MDN1: variants seen among roughly 807,000 people sequenced by gnomAD.
MDN1 encodes the protein midasin.
In MDN1, 266 loss-of-function variants were observed where a neutral mutation model predicts 669.2. The ratio of observed to expected loss-of-function variants is 0.40; its 90% confidence interval spans 0.36 to 0.44. The LOEUF (loss-of-function observed/expected upper bound fraction) is 0.44, where lower values mean the gene tolerates loss of function less well. Among genes scored for constraint, MDN1 ranks in the 20% least tolerant of loss-of-function variants. MDN1 has a pLI of 1.00. For synonymous variants in MDN1, 2,385 were observed against 2,457.1 expected (o/e 0.97, Z 0.87); for missense variants, 5,940 against 6,754.0 (o/e 0.88, Z 4.22).
At chr6:89,743,088 A>G (rs1444486561) in intron 31 of MDN1, 62 bp downstream of exon 31, 6 of 1,548,666 alleles carry the variant, frequency 3.9e-6, no homozygotes, top group Non-Finnish European at 5.3e-6. Flanking sequence ...TGTCTCAGGG[A>G]GAAAAAAAAA....
rs567381684 is a variant in MDN1 at position 89,692,597 on chromosome 6, C to T, written c.10433G>A (p.Arg3478His). 131 of 1,614,114 alleles carry T rather than the reference C, an allele frequency of 8.1e-5. No individual in the cohort carries two copies. Among genetic ancestry groups the T allele is most frequent in the African/African-American group, 1.3e-4 (10 of 74,942 alleles). The stretch of plus-strand genomic sequence containing the variant: ...GCCTTCCAGCTCCTTTCCTCCTGAG[C>T]GCTTGAGGATTAGCTTCCCAAGGCC... ...LRGLGKLILK[R>H]SGGKELEGKG... is the part of the protein sequence containing the mutation. Residue 3478 changes from arginine (R) to histidine (H), a missense_variant, in exon 63 of 102, where the codon CGC becomes CAC. Coordinates refer to ENST00000369393, the MANE Select transcript of MDN1 (RefSeq NM_014611.3).
At position 89,780,705 on chromosome 6, in the gene MDN1, C is replaced by T. The variant is rs147659115; in HGVS notation, c.1644-412G>A. ...CTGTTGCCCAGGCTGGAGTGCAGTGCGTGATCTCGGCTCACTGCAACCTCC... is the reference window on the plus strand; with the variant it reads ...CTGTTGCCCAGGCTGGAGTGCAGTGTGTGATCTCGGCTCACTGCAACCTCC... On this transcript the variant is annotated intron_variant, in intron 10 of 101. Coordinates refer to ENST00000369393, the MANE Select transcript of MDN1 (RefSeq NM_014611.3). Among the ~76,000 whole-genome samples the T allele has an allele frequency of 6.0e-3, 854 of 143,276 alleles. 9 individuals are homozygous for T. The highest frequency in any genetic ancestry group is 0.021 in the African/African-American group (809 of 37,810). 94.0% of individuals were successfully genotyped at this position (143,276 alleles called of 152,430 possible).
chr6:89,792,758 T>C (rs1018679554), intron 5 of MDN1, among the ~76,000 whole-genome samples: 6 of 151,234 alleles, frequency 4.0e-5, no homozygotes. Flanking sequence ...AGAAGAAAAG[T>C]GGGTGGCCTG....
intron 1 of MDN1, among the ~76,000 whole-genome samples, chr6:89,811,448 T>A (rs532356502): frequency 3.3e-4 from 50 of 152,126 alleles, no homozygotes; most frequent in East Asian, 5.8e-4. Flanking sequence ...TTTTTATTTT[T>A]TTTTTTTAAG....
intron 2 of MDN1, among the ~76,000 whole-genome samples, chr6:89,798,280 G>A (rs776370512): frequency 6.6e-5 from 10 of 151,758 alleles, no homozygotes; most frequent in Non-Finnish European, 1.2e-4. Flanking sequence ...TTAAGAGGCC[G>A]AGACAGGTGG....
rs1372987594 is a variant in MDN1 at position 89,729,024 on chromosome 6, C to G, written c.5256G>C (p.Glu1752Asp). 6.2e-7 allele frequency: 1 copy of G among 1,614,148 alleles called. No homozygotes were observed. The highest frequency in any genetic ancestry group is 2.2e-5 in the East Asian group (1 of 44,870). Residue 1752 changes from glutamate (E) to aspartate (D), a missense_variant, in exon 36 of 102, where the codon GAG (glutamate) becomes GAC (aspartate). Transcript: ENST00000369393. ...ATKLKKPILL[E>D]GSPGVGKTSL... Reference sequence around the variant, plus strand: ...TTGTCTTGCCAACACCAGGGGAACCCTCCAGGAGAATGGGCTTCTTCAGTT... The same window carrying G: ...TTGTCTTGCCAACACCAGGGGAACCGTCCAGGAGAATGGGCTTCTTCAGTT...
chr6:89,672,624 G>A lies in MDN1; in HGVS notation c.13553C>T (p.Ala4518Val). 2 of 1,614,008 alleles carry A rather than the reference G, an allele frequency of 1.2e-6. No individual in the cohort carries two copies. The highest frequency in any genetic ancestry group is 2.2e-5 in the South Asian group (2 of 91,058). Reference protein sequence around the residue: ...MEIAIRAILCAIQNLEERKNE... With the variant: ...MEIAIRAILCVIQNLEERKNE... Reference sequence around the variant, plus strand: ...CTTTCTTTCTTCTAAGTTCTGGATGGCACAGAGGATGGCTCGGATGGCAAT... The same window carrying A: ...CTTTCTTTCTTCTAAGTTCTGGATGACACAGAGGATGGCTCGGATGGCAAT... Residue 4518 changes from alanine to valine, a missense_variant, in exon 81 of 102, where the codon GCC becomes GTC. By Grantham distance (64) the Ala-to-Val change is moderately conservative. This residue lies in a region of MDN1 where 2,280 missense variants were observed against 2,576.3 expected (regional missense o/e 0.88). Coordinates refer to ENST00000369393, the MANE Select transcript of MDN1 (RefSeq NM_014611.3).
intron 46 of MDN1, 59 bp downstream of exon 46, chr6:89,714,484 A>C: frequency 7.4e-7 from 1 of 1,351,648 alleles, no homozygotes; most frequent in Non-Finnish European, 1.0e-6. Context: ...GTCCAATGGA[A>C]TGACATAAAT....
chr6:89,803,900 T>TTTTTC (rs1767843289), intron 1 of MDN1, among the ~76,000 whole-genome samples: 1 of 91,152 alleles, frequency 1.1e-5, no homozygotes, highest in African/African-American at 4.7e-5. Flanking sequence ...CTTTTCTTTT[T>TTTTTC]TTTTTTTTTT....
intron 29 of MDN1, 60 bp from the exon 30 acceptor site, chr6:89,743,774 C>T: frequency 2.4e-5 from 1 of 41,594 alleles, no homozygotes; most frequent in Non-Finnish European, 3.2e-5. Flanking sequence ...TCCATAAACA[C>T]CCCCCCTCAG....
rs1808264863 is a variant in MDN1, at chr6:89,643,028, C to T, written c.*977G>A. The T allele has an allele frequency of 6.6e-6, 1 of 152,140 alleles. No homozygotes were observed. The highest frequency in any genetic ancestry group is 2.4e-5 in the African/African-American group (1 of 41,414). The allele number at this position is 152,140 out of a possible 1,614,324, so 9.4% of individuals were successfully genotyped here. On this transcript the variant is annotated 3_prime_UTR_variant, in exon 102 of 102. Coordinates refer to ENST00000369393, the MANE Select transcript of MDN1 (RefSeq NM_014611.3). ...CATTCTGACAGAACATTAAGTAGAA[C>T]AGAGCACACAGTTTCAAGTATTCAG...
rs1227085647 is a variant in MDN1, at chr6:89,687,333, G to A, written c.11450+11C>T. 2 of 1,611,072 alleles carry A rather than the reference G, an allele frequency of 1.2e-6. No homozygotes were observed. Among genetic ancestry groups the A allele is most frequent in the Non-Finnish European group, 1.7e-6 (2 of 1,177,760 alleles). On this transcript the variant is annotated intron_variant, in intron 68 of 101. Coordinates refer to ENST00000369393, the MANE Select transcript of MDN1 (RefSeq NM_014611.3). ...AACCTAAGTTTAGGAGAGGGAAGGA[G>A]AGTCACTTACTTCAGCTCCAGTTTA...
At position 89,727,953 on chromosome 6, in the gene MDN1, G is replaced by A; in HGVS notation, c.5352C>T (p.Asp1784=). The A allele has an allele frequency of 6.2e-7, 1 of 1,608,344 alleles. No individual in the cohort carries two copies. The highest frequency in any genetic ancestry group is 8.5e-7 in the Non-Finnish European group (1 of 1,177,704). ...LVRINLSEQT[D]ITDLFGADLP... is the part of the protein sequence containing the mutation. ...GATCTGCTCCAAACAGGTCTGTGAT[G>A]TCCTTTGAAAGGGGAAGAAATGGAA... The change falls in exon 37 of 102, where the codon GAC becomes GAT. Residue 1784 remains aspartate (D), a splice_region_variant and synonymous_variant. Transcript: ENST00000369393.
intron 97 of MDN1, among the ~76,000 whole-genome samples, chr6:89,649,619 C>T (rs530376948): frequency 6.6e-6 from 1 of 152,260 alleles, no homozygotes; most frequent in Non-Finnish European, 1.5e-5. Context: ...CCTACCTAAA[C>T]TATCTAAGAC....
intron 22 of MDN1, among the ~76,000 whole-genome samples, chr6:89,752,502 C>T (rs1817007770): frequency 6.6e-6 from 1 of 152,170 alleles, no homozygotes; most frequent in Non-Finnish European, 1.5e-5. Context: ...AAGCAATCAA[C>T]AAGTAAACAA....
Position 89,701,539 on chromosome 6 carries a change from T to C in MDN1, c.8427+19A>G, listed in dbSNP as rs1273851149. On this transcript the variant is annotated intron_variant, in intron 55 of 101. Coordinates refer to ENST00000369393, the MANE Select transcript of MDN1 (RefSeq NM_014611.3). ...TAGTAGTCACATTTCTTTTATTTAC[T>C]AAATGCTTCCAGGTGTACCTTAAAA... 6.2e-7 allele frequency: 1 copy of C among 1,610,688 alleles called. No homozygotes were observed. The highest frequency in any genetic ancestry group is 1.3e-5 in the African/African-American group (1 of 74,684).
At chr6:89,794,823 A>T (rs772464702) in intron 2 of MDN1, 22 bp from the exon 3 acceptor site, 2 of 1,592,512 alleles carry the variant, frequency 1.3e-6, no homozygotes, top group Admixed American at 3.3e-5. Context: ...AAGAATACAG[A>T]CATCCCCAAC....
At position 89,738,347 on chromosome 6, in the gene MDN1, G is replaced by T; in HGVS notation, c.4702C>A (p.Leu1568Met). The change falls in exon 33 of 102, where the codon CTG becomes ATG. Residue 1568 changes from leucine to methionine, a missense_variant. Leu to Met is a conservative substitution (Grantham distance 15). This residue lies in a region of MDN1 where 2,292 missense variants were observed against 2,638.3 expected (regional missense o/e 0.87). Coordinates refer to ENST00000369393, the MANE Select transcript of MDN1 (RefSeq NM_014611.3). ...TCACCTTTAGGATCTATTCTGCCCA[G>T]ACACAATCCTGGACGAAGATTATGA... is the stretch of plus-strand genomic sequence containing the variant. The part of the protein sequence containing the change: ...ISHNLRPGLC[L>M]GRIDPKGSDI... 1 of 1,613,948 alleles carries T rather than the reference G, an allele frequency of 6.2e-7. No individual in the cohort carries two copies. The highest frequency in any genetic ancestry group is 1.3e-5 in the African/African-American group (1 of 75,004).
chr6:89,664,631 A>G lies in MDN1; in HGVS notation c.14095-3T>C. ...CCCTTCTGAAATGTATCTTCCACCTACATAAAGAAGTATTAAACATAAATA... is the reference window on the plus strand; with the variant it reads ...CCCTTCTGAAATGTATCTTCCACCTGCATAAAGAAGTATTAAACATAAATA... On this transcript the variant is annotated splice_region_variant and splice_polypyrimidine_tract_variant and intron_variant, in intron 84 of 101. Coordinates refer to ENST00000369393, the MANE Select transcript of MDN1 (RefSeq NM_014611.3). The G allele has an allele frequency of 6.2e-7, 1 of 1,601,832 alleles. No individual in the cohort carries two copies. The highest frequency in any genetic ancestry group is 8.5e-7 in the Non-Finnish European group (1 of 1,172,812).
Sources: gnomAD v4.1 joint callset for allele counts (sites outside exome capture counted in the v4.1 genomes callset) on GRCh38, gnomAD v4.1.1 for gene constraint, gnomAD v4.1.1 regional missense constraint, MANE v1.5 for transcripts, NCBI Gene and HGNC (gene_info 2026-07-23, HGNC 2026-07-21) for gene names.